The following MACROD2 variants were observed in gnomAD, a reference collection of about 807,000 sequenced individuals.
MACROD2 encodes ADP-ribose glycohydrolase MACROD2.
Under a neutral mutation model 70.4 loss-of-function variants are expected in MACROD2, and 36 were observed. That is an observed-to-expected ratio of 0.51 (90% CI 0.39 to 0.68). The LOEUF is 0.68. MACROD2 is among the 30% of genes least tolerant of loss of function. The pLI is 0.00. For synonymous variants in MACROD2, 172 were observed against 178.8 expected (o/e 0.96, Z 0.30); for missense variants, 496 against 538.4 (o/e 0.92, Z 0.78).
chr20:14,572,908 A>C (rs1433105511), intron 4 of MACROD2, among the ~76,000 whole-genome samples: 1 of 150,764 alleles, frequency 6.6e-6, no homozygotes, highest in East Asian at 1.9e-4. Flanking sequence ...TAATAATATA[A>C]AATATATAAA....
chr20:14,687,586 G>A (rs1170497547), intron 5 of MACROD2, among the ~76,000 whole-genome samples: 1 of 152,068 alleles, frequency 6.6e-6, no homozygotes, highest in East Asian at 1.9e-4. Flanking sequence ...TGGATCTTTT[G>A]GGACAATGAA....
chr20:15,461,006 A>ATATATATATATATATATATT, intron 7 of MACROD2, among the ~76,000 whole-genome samples: 62 of 66,976 alleles, frequency 9.3e-4, no homozygotes, highest in Admixed American at 4.6e-3. Context: ...ATATATATAT[A>ATATATATATATATATATATT]TTTTTTTTTA....
chr20:14,622,278 G>C (rs1983875505), intron 4 of MACROD2, among the ~76,000 whole-genome samples: 2 of 152,014 alleles, frequency 1.3e-5, no homozygotes, highest in South Asian at 4.2e-4. Flanking sequence ...TTTCTGAGAA[G>C]TTGTCCGTTA....
At chr20:14,509,677 T>C (rs1487259818) in intron 4 of MACROD2, among the ~76,000 whole-genome samples, 1 of 151,954 alleles carries the variant, frequency 6.6e-6, no homozygotes, top group Non-Finnish European at 1.5e-5. Context: ...TCCTCACATT[T>C]ATGTGAGGAG....
At chr20:15,482,979 G>A (rs938495957) in intron 7 of MACROD2, among the ~76,000 whole-genome samples, 4 of 151,982 alleles carry the variant, frequency 2.6e-5, no homozygotes, top group African/African-American at 9.7e-5. Flanking sequence ...CCTTTATCAA[G>A]TATGTCTTTT....
chr20:14,093,921 C>G (rs1316276208), intron 3 of MACROD2, among the ~76,000 whole-genome samples: 1 of 151,136 alleles, frequency 6.6e-6, no homozygotes, highest in Non-Finnish European at 1.5e-5. Context: ...GTGCTTGGAG[C>G]AAATACAGGC....
intron 6 of MACROD2, among the ~76,000 whole-genome samples, chr20:15,362,183 T>C (rs2078360393): frequency 1.3e-5 from 2 of 152,060 alleles, no homozygotes; most frequent in Non-Finnish European, 2.9e-5. Context: ...AGTGAGTTTT[T>C]ATATTTTTAG....
chr20:14,679,114 C>T (rs1444022944), intron 4 of MACROD2, among the ~76,000 whole-genome samples: 2 of 152,148 alleles, frequency 1.3e-5, no homozygotes, highest in African/African-American at 4.8e-5. Flanking sequence ...GGGAAACAGA[C>T]TTTTAGCATA....
intron 5 of MACROD2, among the ~76,000 whole-genome samples, chr20:15,195,711 C>T (rs532233989): frequency 2.0e-4 from 31 of 152,182 alleles, no homozygotes; most frequent in Non-Finnish European, 3.5e-4. Flanking sequence ...ACCATTTGGC[C>T]GAGCAAACCC....
At chr20:15,033,606 G>A (rs544126592) in intron 5 of MACROD2, among the ~76,000 whole-genome samples, 1 of 152,342 alleles carries the variant, frequency 6.6e-6, no homozygotes, top group African/African-American at 2.4e-5. Context: ...CCCCAGTGGT[G>A]TGATGGTTTG....
chr20:15,141,940 A>G (rs979685271), intron 5 of MACROD2, among the ~76,000 whole-genome samples: 3 of 152,236 alleles, frequency 2.0e-5, no homozygotes, highest in South Asian at 2.1e-4. Flanking sequence ...ATGCTTCTCC[A>G]TGGTCTTCTT....
At chr20:14,853,156 AGT>A (rs1264837181) in intron 5 of MACROD2, among the ~76,000 whole-genome samples, 35 of 92,270 alleles carry the variant, frequency 3.8e-4, no homozygotes, top group Middle Eastern at 5.1e-3. Flanking sequence ...AGGTGTGAAC[AGT>A]GTGTGTGTGT....
At chr20:15,515,172 C>T (rs2047550906) in intron 8 of MACROD2, among the ~76,000 whole-genome samples, 1 of 152,200 alleles carries the variant, frequency 6.6e-6, no homozygotes, top group African/African-American at 2.4e-5. Flanking sequence ...ATTATCCAGC[C>T]TGCTGCTCTT....
At chr20:15,085,377 GA>G (rs1220640129) in intron 5 of MACROD2, among the ~76,000 whole-genome samples, 1 of 151,914 alleles carries the variant, frequency 6.6e-6, no homozygotes, top group Non-Finnish European at 1.5e-5. Context: ...AGCAAGAAAA[GA>G]AAAAACATAG....
intron 12 of MACROD2, among the ~76,000 whole-genome samples, chr20:15,964,655 C>T (rs1383287055): frequency 6.6e-6 from 1 of 152,036 alleles, no homozygotes; most frequent in Non-Finnish European, 1.5e-5. Flanking sequence ...CTTTCATCAC[C>T]CCCTAAGCAG....
At chr20:14,846,065 C>T (rs1180774719) in intron 5 of MACROD2, among the ~76,000 whole-genome samples, 3 of 151,840 alleles carry the variant, frequency 2.0e-5, no homozygotes, top group Admixed American at 6.6e-5. Flanking sequence ...GCAAGTGCCA[C>T]AAAGTATTTT....
intron 3 of MACROD2, among the ~76,000 whole-genome samples, chr20:14,219,779 G>T (rs1569212077): frequency 6.6e-6 from 1 of 152,140 alleles, no homozygotes; most frequent in Non-Finnish European, 1.5e-5. Context: ...GAGCCAAACT[G>T]CAGTGATTGC....
Position 15,569,196 on chromosome 20 carries a change from G to A in MACROD2, c.645+69349G>A, listed in dbSNP as rs144763081. Among the ~76,000 whole-genome samples the A allele has an allele frequency of 1.8e-4, 28 of 152,266 alleles. 1 individual carries two copies. The East Asian group carries it at 5.2e-3, about 28-fold the overall frequency. On this transcript the variant is annotated intron_variant, in intron 8 of 17. Coordinates refer to ENST00000684519, the MANE Select transcript of MACROD2 (RefSeq NM_001351661.2). ...AGTTTCCACGGTGTATGGGGGCTGT[G>A]TAGAAAAGTTTGCATTTTGGGGGTT... is the stretch of plus-strand genomic sequence containing the variant.
At chr20:15,271,483 T>C (rs2077345788) in intron 6 of MACROD2, among the ~76,000 whole-genome samples, 2 of 152,164 alleles carry the variant, frequency 1.3e-5, no homozygotes, top group Admixed American at 1.3e-4. Context: ...ATTTGTGAGA[T>C]CAAAAGCCAT....
Sources: allele counts gnomAD v4.1 joint callset (sites outside exome capture counted in the v4.1 genomes callset), GRCh38; gene constraint gnomAD v4.1.1; transcripts MANE v1.5; gene names NCBI Gene and HGNC (gene_info 2026-07-23, HGNC 2026-07-21).